The following DIMT1 variants were observed in gnomAD, a reference collection of about 807,000 sequenced individuals.
DIMT1 encodes DIM1 rRNA methyltransferase and ribosome maturation factor.
In DIMT1, 36 loss-of-function variants were observed where a neutral mutation model predicts 43.2. The observed-to-expected ratio is 0.83, with a 90% CI of 0.64 to 1.10. DIMT1 has a LOEUF of 1.10. Among genes scored for constraint, DIMT1 ranks in the 50% least tolerant of loss-of-function variants. The pLI is 0.00. For synonymous variants in DIMT1, 126 were observed against 130.3 expected, an observed-to-expected ratio of 0.97 and a Z score of 0.22; for missense variants, 341 against 385.3, an observed-to-expected ratio of 0.88 and a Z score of 0.96.
chr5:62,399,878 C>T (rs1580129682), intron 3 of DIMT1, among the ~76,000 whole-genome samples: 1 of 152,140 alleles, frequency 6.6e-6, no homozygotes, highest in Non-Finnish European at 1.5e-5. Flanking sequence ...AGCACTCCAG[C>T]CTGGCAACAG....
rs141512628 is a variant in DIMT1, at chr5:62,394,525, T to C, written c.529A>G (p.Ile177Val). 26 of 1,614,074 alleles carry C rather than the reference T, an allele frequency of 1.6e-5. No homozygotes were observed. The highest frequency in any genetic ancestry group is 2.1e-5 in the Non-Finnish European group (25 of 1,180,026). ...PGDKLYCRLS[I>V]NTQLLARVDH... ...ACACGTGCCAACAGCTGTGTATTAA[T>C]TGAGAGTCTGCAGTATAACTTATCT... is the stretch of plus-strand genomic sequence containing the variant. Residue 177 changes from isoleucine to valine, a missense_variant, in exon 7 of 12, where the codon ATT becomes GTT. By Grantham distance (29) the Ile-to-Val change is conservative. Transcript: ENST00000199320.
chr5:62,398,934 T>C (rs1742600808), intron 3 of DIMT1, 53 bp from the exon 4 acceptor site: 3 of 1,354,858 alleles, frequency 2.2e-6, no homozygotes, highest in African/African-American at 1.5e-5. Flanking sequence ...TATAAATCTT[T>C]TATTGTTATC....
intron 4 of DIMT1, 35 bp from the exon 5 acceptor site, chr5:62,398,774 G>A (rs779665605): frequency 7.4e-5 from 120 of 1,613,568 alleles, no homozygotes; most frequent in Non-Finnish European, 1.0e-4. Context: ...AAAGAATGTT[G>A]TTTCATGAGA....
In DIMT1 at chr5:62,392,995, A is replaced by T; in HGVS notation, c.664-5T>A. 1.2e-6 allele frequency: 2 copies of T among 1,600,262 alleles called. No individual in the cohort carries two copies. Among genetic ancestry groups the T allele is most frequent in the South Asian group, 1.1e-5 (1 of 90,038 alleles). On this transcript the variant is annotated splice_region_variant and splice_polypyrimidine_tract_variant and intron_variant, in intron 8 of 11. Coordinates refer to ENST00000199320, the MANE Select transcript of DIMT1 (RefSeq NM_014473.4). ...CCTTACTAGACCATCCCATTCCTGA[A>T]ATAGAAGATAGACATTTTCTTCAAA...
chr5:62,395,851 C>A (rs1227044360), intron 6 of DIMT1, among the ~76,000 whole-genome samples: 1 of 151,864 alleles, frequency 6.6e-6, no homozygotes, highest in East Asian at 1.9e-4. Context: ...AAAAAAAACA[C>A]AAAAATTAGC....
intron 9 of DIMT1, among the ~76,000 whole-genome samples, 195 bp from the exon 10 acceptor site, chr5:62,392,429 CACTA>C (rs756187928): frequency 4.1e-4 from 62 of 152,004 alleles, no homozygotes; most frequent in Non-Finnish European, 7.2e-4. Context: ...ATGAAGCAAA[CACTA>C]AATATATTTA....
chr5:62,391,584 T>A, intron 10 of DIMT1: 1 of 502,510 alleles, frequency 2.0e-6, no homozygotes, highest in East Asian at 1.2e-4. Flanking sequence ...ATATAGGTTC[T>A]GAGTCATAAA....
rs182208734 is a variant in DIMT1 at position 62,399,710 on chromosome 5, G to A, written c.241-829C>T. Reference sequence around the variant, plus strand: ...TCATGAGTTCAGGAGACTGAGACCAGCCTGGCCAACATGGTAAAACTCTGT... The same window carrying A: ...TCATGAGTTCAGGAGACTGAGACCAACCTGGCCAACATGGTAAAACTCTGT... On this transcript the variant is annotated intron_variant, in intron 3 of 11. Transcript: ENST00000199320. Among the ~76,000 whole-genome samples, 231 of 150,204 alleles carry A rather than the reference G, an allele frequency of 1.5e-3. 1 individual carries two copies. Among genetic ancestry groups the A allele is most frequent in the African/African-American group, 5.5e-3 (224 of 40,860 alleles).
At chr5:62,393,428 A>G (rs1742373475) in intron 8 of DIMT1, among the ~76,000 whole-genome samples, 1 of 152,202 alleles carries the variant, frequency 6.6e-6, no homozygotes, top group Admixed American at 6.5e-5. Context: ...ATCTGAACAA[A>G]GAACATGGCG....
chr5:62,392,349 AGAT>A (rs1742339653), intron 9 of DIMT1, 115 bp from the exon 10 acceptor site: 1 of 784,126 alleles, frequency 1.3e-6, no homozygotes, highest in African/African-American at 1.8e-5. Context: ...ATTTCATTTT[AGAT>A]GAAATTAAAT....
chr5:62,392,655 T>G (rs556080847), intron 9 of DIMT1, among the ~76,000 whole-genome samples: 2 of 152,280 alleles, frequency 1.3e-5, no homozygotes, highest in South Asian at 4.1e-4. Flanking sequence ...ACCTCATTTT[T>G]CCAACAAAAA....
intron 11 of DIMT1, among the ~76,000 whole-genome samples, 161 bp downstream of exon 11, chr5:62,390,715 G>A (rs1742269085): frequency 6.6e-6 from 1 of 152,096 alleles, no homozygotes; most frequent in African/African-American, 2.4e-5. Flanking sequence ...CAGCTAACTA[G>A]CCTCCATCTT....
chr5:62,402,591 C>A (rs112466030), intron 2 of DIMT1, among the ~76,000 whole-genome samples: 1 of 152,316 alleles, frequency 6.6e-6, no homozygotes, highest in African/African-American at 2.4e-5. Context: ...ACGGCCATAG[C>A]TTTCATCAGA....
chr5:62,397,119 TTTTTA>T (rs1742523971), intron 6 of DIMT1, among the ~76,000 whole-genome samples: 1 of 152,038 alleles, frequency 6.6e-6, no homozygotes. Flanking sequence ...CCAGCTAATT[TTTTTA>T]TTTTTAGTAG....
chr5:62,395,261 G>A (rs548425881), intron 6 of DIMT1, among the ~76,000 whole-genome samples: 20 of 152,200 alleles, frequency 1.3e-4, no homozygotes, highest in African/African-American at 4.8e-4. Flanking sequence ...CTGACCTCAG[G>A]TGATCCGCCC....
rs1327336448 is a variant in DIMT1 at position 62,403,331 on chromosome 5, G to T, written c.95C>A (p.Thr32Lys). Residue 32 changes from threonine to lysine, a missense_variant, in exon 2 of 12, where the codon ACG becomes AAG. Physicochemically the swap from Thr to Lys is moderately conservative, Grantham distance 78. Transcript: ENST00000199320. The stretch of plus-strand genomic sequence containing the variant: ...TTTCAAAATGTGCTGCCCAATCCCC[G>T]TGTTGAACATGAGTCCTGTAAGAAA... ...LKSAGGLMFN[T>K]GIGQHILKNP... The T allele has an allele frequency of 1.2e-6, 2 of 1,613,878 alleles. No homozygotes were observed. The highest frequency in any genetic ancestry group is 2.7e-5 in the African/African-American group (2 of 75,022).
intron 6 of DIMT1, among the ~76,000 whole-genome samples, chr5:62,397,322 A>G (rs1004092412): frequency 1.3e-5 from 2 of 152,150 alleles, no homozygotes; most frequent in African/African-American, 2.4e-5. Context: ...TTTGAGTACA[A>G]TGTTTTTTGT....
chr5:62,392,358 TA>T (rs1742339902), intron 9 of DIMT1, 124 bp from the exon 10 acceptor site: 1 of 733,538 alleles, frequency 1.4e-6, no homozygotes, highest in African/African-American at 1.8e-5. Context: ...TAGATGAAAT[TA>T]AATCTATATT....
At chr5:62,389,348 T>A (rs1230224443) in intron 11 of DIMT1, among the ~76,000 whole-genome samples, 5 of 151,884 alleles carry the variant, frequency 3.3e-5, no homozygotes, top group Non-Finnish European at 7.4e-5. Context: ...TAGCCTGGCA[T>A]GGTGGCACAT....
Sources: gnomAD v4.1 joint callset for allele counts (sites outside exome capture counted in the v4.1 genomes callset) on GRCh38, gnomAD v4.1.1 for gene constraint, MANE v1.5 for transcripts, NCBI Gene and HGNC (gene_info 2026-07-23, HGNC 2026-07-21) for gene names.